The following UBR2 variants were observed in gnomAD, a reference collection of about 807,000 sequenced individuals.
The protein encoded by UBR2 is ubiquitin protein ligase E3 component n-recognin 2.
UBR2 carries 92 observed loss-of-function variants against 247.9 expected under a neutral mutation model. That is an observed-to-expected ratio of 0.37 (90% CI 0.31 to 0.44). The LOEUF (loss-of-function observed/expected upper bound fraction) is 0.44. Ranked by LOEUF, UBR2 falls within the 20% of genes least tolerant of loss-of-function variation. The probability of loss-of-function intolerance (pLI) is 1.00; values close to 1 mark genes in which losing one functional copy is unlikely to be tolerated. For synonymous variants in UBR2, 672 were observed against 693.5 expected (o/e 0.97, Z 0.49); for missense variants, 1,613 against 2,112.6 (o/e 0.76, Z 4.64).
chr6:42,585,643 C>A (rs948092376), intron 2 of UBR2, among the ~76,000 whole-genome samples: 6 of 151,998 alleles, frequency 3.9e-5, no homozygotes, highest in Non-Finnish European at 7.4e-5. Flanking sequence ...AATTTTATTT[C>A]ATCTTCTGTC....
At chr6:42,609,984 A>G (rs1793969827) in intron 7 of UBR2, among the ~76,000 whole-genome samples, 1 of 151,930 alleles carries the variant, frequency 6.6e-6, no homozygotes, top group Non-Finnish European at 1.5e-5. Context: ...ATACCACCTC[A>G]CACCTATTAG....
In UBR2 at chr6:42,666,237, T is replaced by C; in HGVS notation, c.3873T>C (p.Phe1291=). ...LQLPEGFRPD[F]RPKIPYSESI... ...TCCCTGAAGGGTTCAGGCCTGATTT[T>C]CGTCCTAAGTGAGTATATTATTTTA... The change falls in exon 34 of 47, where the codon TTT becomes TTC. Residue 1291 remains phenylalanine (F), a synonymous_variant. Coordinates refer to ENST00000372901, the MANE Select transcript of UBR2 (RefSeq NM_001363705.2). 6.2e-7 allele frequency: 1 copy of C among 1,610,216 alleles called. No homozygotes were observed. Among genetic ancestry groups the C allele is most frequent in the African/African-American group, 1.3e-5 (1 of 74,834 alleles).
intron 11 of UBR2, chr6:42,619,610 G>A (rs552304840): frequency 1.1e-3 from 220 of 193,756 alleles, no homozygotes; most frequent in Non-Finnish European, 1.8e-3. Context: ...TTAGCCAGGC[G>A]TGGTGGCGCA....
intron 4 of UBR2, among the ~76,000 whole-genome samples, chr6:42,595,044 C>T (rs1017763596): frequency 3.5e-4 from 53 of 151,968 alleles, no homozygotes; most frequent in Non-Finnish European, 6.2e-4. Context: ...TGGGGTACAG[C>T]GTGATATTTA....
intron 1 of UBR2, among the ~76,000 whole-genome samples, chr6:42,569,604 T>C (rs1790989371): frequency 6.6e-6 from 1 of 152,214 alleles, no homozygotes; most frequent in Non-Finnish European, 1.5e-5. Flanking sequence ...ACTATTGTTT[T>C]TATGGTTATG....
In UBR2 at chr6:42,659,516, TATATACACAC is replaced by T. The variant is rs1438235241; in HGVS notation, c.3243-138_3243-129del. On this transcript the variant is annotated intron_variant, in intron 29 of 46. Coordinates refer to ENST00000372901, the MANE Select transcript of UBR2 (RefSeq NM_001363705.2). This position sits in a 1 kb window ranked among gnomAD's most constrained non-coding sequence, Gnocchi z 4.3. Reference sequence around the variant, plus strand: ...CTCTGTCTCAAAAAATAAATAAATATATATACACACACACACACACACACACACACACACA... The same window carrying T: ...CTCTGTCTCAAAAAATAAATAAATATACACACACACACACACACACACACA... 3.9e-6 allele frequency: 2 copies of T among 510,006 alleles called. No individual in the cohort carries two copies. The highest frequency in any genetic ancestry group is 2.7e-5 in the South Asian group (1 of 37,576). 31.6% of individuals were successfully genotyped at this position (510,006 alleles called of 1,614,324 possible).
At chr6:42,633,443 T>TGGAGTG (rs1476729096) in intron 13 of UBR2, among the ~76,000 whole-genome samples, 2 of 151,940 alleles carry the variant, frequency 1.3e-5, no homozygotes, top group African/African-American at 2.4e-5. Context: ...CAGGCTGGAG[T>TGGAGTG]GCAGTGGCGC....
intron 25 of UBR2, among the ~76,000 whole-genome samples, chr6:42,654,971 C>T (rs1416310570): frequency 6.6e-6 from 1 of 152,114 alleles, no homozygotes; most frequent in Non-Finnish European, 1.5e-5. Context: ...AATTACTTGA[C>T]CACTAATTCT....
In UBR2 at chr6:42,565,502, C is replaced by T. The variant is rs531746623; in HGVS notation, c.78+1105C>T. Among the ~76,000 whole-genome samples, 7 of 152,286 alleles carry T rather than the reference C, an allele frequency of 4.6e-5. No individual in the cohort carries two copies. The East Asian group carries it at 1.3e-3, about 29-fold the overall frequency. On this transcript the variant is annotated intron_variant, in intron 1 of 46. Transcript: ENST00000372901. ...GAAATGTCAGGAGTAGAGGTGAAGA[C>T]TTTAAAGAAATACGTTGTTAAATGC...
intron 3 of UBR2, 115 bp downstream of exon 3, chr6:42,592,344 CAG>C (rs1792722487): frequency 1.3e-6 from 1 of 782,054 alleles, no homozygotes; most frequent in Admixed American, 3.6e-5. Flanking sequence ...GTGGTTTAAA[CAG>C]TGTGTTTATT....
At chr6:42,663,897 A>G (rs1335400353) in intron 32 of UBR2, among the ~76,000 whole-genome samples, 1 of 152,204 alleles carries the variant, frequency 6.6e-6, no homozygotes, top group African/African-American at 2.4e-5. Context: ...TGTGGCTCAC[A>G]TCTATAATCC....
chr6:42,586,579 C>T (rs1159096972), intron 2 of UBR2, among the ~76,000 whole-genome samples: 2 of 83,356 alleles, frequency 2.4e-5, no homozygotes, highest in Admixed American at 1.4e-4. Flanking sequence ...TCCTAATTTT[C>T]CTAACTGTGT....
chr6:42,663,175 A>G, intron 31 of UBR2, 83 bp from the exon 32 acceptor site: 1 of 1,182,272 alleles, frequency 8.5e-7, no homozygotes, highest in Non-Finnish European at 1.1e-6. Context: ...TGTGGAAACA[A>G]ATTATTTTAA....
chr6:42,596,937 G>T (rs1297747803), intron 4 of UBR2, among the ~76,000 whole-genome samples: 1 of 152,178 alleles, frequency 6.6e-6, no homozygotes, highest in Non-Finnish European at 1.5e-5. Context: ...AATGTACCAA[G>T]TACCACTGAG....
intron 20 of UBR2, 23 bp downstream of exon 20, chr6:42,644,559 ATT>A (rs1562350993): frequency 2.5e-6 from 4 of 1,588,856 alleles, no homozygotes; most frequent in Non-Finnish European, 3.4e-6. Flanking sequence ...TGTTTGAGGC[ATT>A]TAATAAATTA....
At chr6:42,620,505 T>G (rs9717814) in intron 11 of UBR2, among the ~76,000 whole-genome samples, 2 of 89,700 alleles carry the variant, frequency 2.2e-5, no homozygotes, top group African/African-American at 3.4e-5. Context: ...TTTTTGTTTT[T>G]GTTTTTTTTT....
intron 2 of UBR2, among the ~76,000 whole-genome samples, chr6:42,579,964 T>C (rs1005964969): frequency 6.6e-6 from 1 of 152,238 alleles, no homozygotes; most frequent in African/African-American, 2.4e-5. Context: ...CCTCATTCTT[T>C]ATAACTGTTT....
chr6:42,620,484 T>TG (rs1794907329), intron 11 of UBR2: 1 of 96,740 alleles, frequency 1.0e-5, no homozygotes. Flanking sequence ...AAGTGTTGTT[T>TG]TTTTTTTTTG....
At chr6:42,640,775 G>A (rs975881217) in intron 16 of UBR2, among the ~76,000 whole-genome samples, 18 of 151,710 alleles carry the variant, frequency 1.2e-4, no homozygotes, top group African/African-American at 4.4e-4. Context: ...TGTCACCCAG[G>A]CTGGAATGCA....
Sources: gnomAD v4.1 joint callset for allele counts (sites outside exome capture counted in the v4.1 genomes callset) on GRCh38, gnomAD v4.1.1 for gene constraint, Gnocchi (gnomAD v3.1) non-coding constraint, MANE v1.5 for transcripts, NCBI Gene and HGNC (gene_info 2026-07-23, HGNC 2026-07-21) for gene names.